Variants in CDH9 observed in about 807,000 individuals in gnomAD.
CDH9 encodes cadherin-9.
CDH9 carries 28 observed loss-of-function variants against 70.9 expected under a neutral mutation model. The ratio of observed to expected loss-of-function variants is 0.40; its 90% CI spans 0.29 to 0.54. The LOEUF is 0.54. Among genes scored for constraint, CDH9 ranks in the 20% least tolerant of loss-of-function variants. The pLI is 0.59. For synonymous variants in CDH9, 409 were observed against 343.1 expected (o/e 1.19, Z -2.12); for missense variants, 874 against 984.4 (o/e 0.89, Z 1.50).
At chr5:27,034,649 T>C (rs528449458) in intron 1 of CDH9, among the ~76,000 whole-genome samples, 1 of 151,652 alleles carries the variant, frequency 6.6e-6, no homozygotes, top group South Asian at 2.1e-4. Flanking sequence ...TTTCCTCTCA[T>C]AGCCAATGAG....
At chr5:26,979,840 A>G (rs1742369346) in intron 2 of CDH9, among the ~76,000 whole-genome samples, 1 of 151,878 alleles carries the variant, frequency 6.6e-6, no homozygotes, top group African/African-American at 2.4e-5. Context: ...AGAAATATAA[A>G]GAAAGATCAT....
At chr5:26,992,325 T>C (rs1050156623) in intron 1 of CDH9, among the ~76,000 whole-genome samples, 2 of 151,794 alleles carry the variant, frequency 1.3e-5, no homozygotes, top group Middle Eastern at 3.2e-3. Context: ...CTGTTGGGAG[T>C]TGATTATGTC....
chr5:26,971,981 T>C (rs1450933260), intron 2 of CDH9, among the ~76,000 whole-genome samples: 1 of 152,088 alleles, frequency 6.6e-6, no homozygotes, highest in African/African-American at 2.4e-5. Context: ...AGTGATTAAA[T>C]GGTAAATTAA....
At chr5:26,935,304 C>T (rs1579461148) in intron 2 of CDH9, among the ~76,000 whole-genome samples, 1 of 152,192 alleles carries the variant, frequency 6.6e-6, no homozygotes, top group East Asian at 1.9e-4. Flanking sequence ...AATCTAGATG[C>T]TTTACCCCTA....
intron 7 of CDH9, among the ~76,000 whole-genome samples, chr5:26,893,431 C>T (rs6897092): frequency 0.94 from 142,819 of 152,200 alleles, 67,682 homozygotes; most frequent in East Asian, 1. Flanking sequence ...TGTCATTCAA[C>T]AGGATTTTAC....
At chr5:27,036,845 C>G (rs1443182498) in intron 1 of CDH9, among the ~76,000 whole-genome samples, 1 of 151,868 alleles carries the variant, frequency 6.6e-6, no homozygotes, top group Non-Finnish European at 1.5e-5. Context: ...TTTAGTCAAA[C>G]CCATAACATA....
intron 1 of CDH9, among the ~76,000 whole-genome samples, chr5:27,036,823 A>T (rs995967731): frequency 6.6e-6 from 1 of 151,900 alleles, no homozygotes; most frequent in African/African-American, 2.4e-5. Context: ...TCTACTCCTC[A>T]TTTGGAAAAA....
chr5:27,004,344 T>C (rs562731608), intron 1 of CDH9, among the ~76,000 whole-genome samples: 20 of 151,990 alleles, frequency 1.3e-4, no homozygotes, highest in Non-Finnish European at 2.4e-4. Context: ...TAAGGAGAGC[T>C]TTACAGACAA....
chr5:26,977,061 C>A (rs923420947), intron 2 of CDH9, among the ~76,000 whole-genome samples: 1 of 151,892 alleles, frequency 6.6e-6, no homozygotes, highest in South Asian at 2.1e-4. Context: ...ATAATTTTAA[C>A]AATAGAATTA....
intron 2 of CDH9, among the ~76,000 whole-genome samples, chr5:26,951,600 TC>T (rs1234146806): frequency 6.6e-6 from 1 of 152,220 alleles, no homozygotes; most frequent in African/African-American, 2.4e-5. Flanking sequence ...GGGGACCTGT[TC>T]TTTACATGCC....
chr5:26,978,362 C>T (rs991604207), intron 2 of CDH9, among the ~76,000 whole-genome samples: 3 of 151,168 alleles, frequency 2.0e-5, no homozygotes, highest in Non-Finnish European at 4.4e-5. Flanking sequence ...TAAAGGAAAC[C>T]CAGAACTGAA....
At chr5:27,007,911 A>AT (rs1206987949) in intron 1 of CDH9, among the ~76,000 whole-genome samples, 5 of 151,972 alleles carry the variant, frequency 3.3e-5, no homozygotes, top group African/African-American at 1.2e-4. Context: ...ATGAATATTA[A>AT]TTTTTTTTCA....
At chr5:26,993,949 C>T (rs1201638194) in intron 1 of CDH9, among the ~76,000 whole-genome samples, 2 of 152,088 alleles carry the variant, frequency 1.3e-5, no homozygotes, top group African/African-American at 4.8e-5. Flanking sequence ...GAGCACTAAG[C>T]AAAAGAGGAT....
At chr5:27,037,368 C>A (rs1743411834) in intron 1 of CDH9, among the ~76,000 whole-genome samples, 1 of 151,816 alleles carries the variant, frequency 6.6e-6, no homozygotes, top group Admixed American at 6.6e-5. Context: ...CAGAGAAGAC[C>A]ACCAATTTCT....
At position 26,943,239 on chromosome 5, in the gene CDH9, C is replaced by T. The variant is rs117558932; in HGVS notation, c.229-27315G>A. On this transcript the variant is annotated intron_variant, in intron 2 of 11. Coordinates refer to ENST00000231021, the MANE Select transcript of CDH9 (RefSeq NM_016279.4). Reference sequence around the variant, plus strand: ...AAATAGCTAACTCAGGGGTGGGGCGCGGTAGCTTATGCCTGCAATCCCAGC... The same window carrying T: ...AAATAGCTAACTCAGGGGTGGGGCGTGGTAGCTTATGCCTGCAATCCCAGC... Among the ~76,000 whole-genome samples the T allele has an allele frequency of 9.3e-4, 141 of 152,200 alleles. 3 individuals carry two copies. In the East Asian group the frequency reaches 0.025, roughly 27 times the overall value.
At chr5:26,910,753 A>G (rs73748532) in intron 3 of CDH9, among the ~76,000 whole-genome samples, 4,684 of 152,240 alleles carry the variant, frequency 0.031, 140 homozygotes, top group African/African-American at 0.079. Flanking sequence ...TAAGTTAACG[A>G]AAGTTACAGA....
At chr5:26,884,377 C>T (rs1265191025) in intron 11 of CDH9, among the ~76,000 whole-genome samples, 4 of 152,038 alleles carry the variant, frequency 2.6e-5, no homozygotes, top group South Asian at 2.1e-4. Context: ...ACATGTTGTT[C>T]TAAATTAGGA....
At chr5:26,918,926 G>T (rs1741195116) in intron 2 of CDH9, among the ~76,000 whole-genome samples, 1 of 152,040 alleles carries the variant, frequency 6.6e-6, no homozygotes, top group Non-Finnish European at 1.5e-5. Context: ...AATTACATAT[G>T]TTTTATGTGT....
chr5:26,978,664 A>G (rs10942229), intron 2 of CDH9, among the ~76,000 whole-genome samples: 71,177 of 150,768 alleles, frequency 0.47, 17,596 homozygotes, highest in African/African-American at 0.51. Context: ...TTTCAAACAG[A>G]ATTAAAAAGA....
Sources: allele counts gnomAD v4.1 joint callset (sites outside exome capture counted in the v4.1 genomes callset), GRCh38; gene constraint gnomAD v4.1.1; transcripts MANE v1.5; gene names NCBI Gene and HGNC (gene_info 2026-07-23, HGNC 2026-07-21).